Variants in CSNK1D observed in about 807,000 individuals in gnomAD.
CSNK1D encodes the protein casein kinase I isoform delta.
In CSNK1D, 16 loss-of-function variants were observed where a neutral mutation model predicts 46.6. The ratio of observed to expected loss-of-function variants is 0.34; its 90% CI spans 0.23 to 0.52. CSNK1D has a LOEUF of 0.52. Among genes scored for constraint, CSNK1D ranks in the 20% least tolerant of loss-of-function variants. CSNK1D has a pLI of 0.95. For synonymous variants in CSNK1D, 276 were observed against 228.2 expected (o/e 1.21, Z -1.89); for missense variants, 398 against 578.4 (o/e 0.69, Z 3.20).
Position 82,244,264 on chromosome 17 carries a change from C to T in CSNK1D, c.*517G>A. 1.8e-6 allele frequency: 2 copies of T among 1,100,362 alleles called. No individual in the cohort carries two copies. Among genetic ancestry groups the T allele is most frequent in the Non-Finnish European group, 2.2e-6 (2 of 896,598 alleles). 68.2% of individuals were successfully genotyped at this position (1,100,362 alleles called of 1,614,324 possible). On this transcript the variant is annotated 3_prime_UTR_variant, in exon 9 of 9. Transcript: ENST00000314028. ...GCACCTTCTCCCTGCCCGACTCCAC[C>T]TCATACACTAACTCCAAGCCAGCCT... is the stretch of plus-strand genomic sequence containing the variant.
Position 82,255,581 on chromosome 17 carries a change from G to C in CSNK1D, c.188-4C>G. On this transcript the variant is annotated splice_polypyrimidine_tract_variant and splice_region_variant and intron_variant, in intron 2 of 8. Coordinates refer to ENST00000314028, the MANE Select transcript of CSNK1D (RefSeq NM_001893.6). The surrounding 1 kb of genome is among the most constrained non-coding windows in gnomAD (Gnocchi z 5.9). ...CATCTGATGGTGGGGATGCCCACTA[G>C]GCAAGGAAATCAGACACAGTGTTTC... 6.2e-7 allele frequency: 1 copy of C among 1,614,158 alleles called. No homozygotes were observed. Among genetic ancestry groups the C allele is most frequent in the South Asian group, 1.1e-5 (1 of 91,092 alleles).
In CSNK1D at chr17:82,251,222, C is replaced by T; in HGVS notation, c.885+157G>A. The T allele has an allele frequency of 2.4e-6, 2 of 819,528 alleles. No homozygotes were observed. Among genetic ancestry groups the T allele is most frequent in the Non-Finnish European group, 4.0e-6 (2 of 505,584 alleles). 50.8% of individuals were successfully genotyped at this position (819,528 alleles called of 1,614,324 possible). A position where few individuals can be genotyped will look rare whatever the true frequency, so the allele number is the denominator to read the frequency against. Reference sequence around the variant, plus strand: ...GCACCCCTTTCTGGCAGGCAGACACCCACTCAGTCCAGGTCCTGCCCACTA... The same window carrying T: ...GCACCCCTTTCTGGCAGGCAGACACTCACTCAGTCCAGGTCCTGCCCACTA... On this transcript the variant is annotated intron_variant, in intron 6 of 8. Transcript: ENST00000314028. This position sits in a 1 kb window ranked among gnomAD's most constrained non-coding sequence, Gnocchi z 4.5.
At chr17:82,266,693 GGA>G (rs1385002522) in intron 1 of CSNK1D, 1 of 152,626 alleles carries the variant, frequency 6.6e-6, no homozygotes, top group African/African-American at 2.4e-5. Context: ...TAACCGAACA[GGA>G]GAGAAAAAGA....
chr17:82,252,933 CGA>C lies in CSNK1D; in HGVS notation c.565+81_565+82del, dbSNP rs2147174568. The C allele has an allele frequency of 1.5e-6, 2 of 1,293,244 alleles. No individual in the cohort carries two copies. The highest frequency in any genetic ancestry group is 2.2e-6 in the Non-Finnish European group (2 of 902,722). 80.1% of individuals were successfully genotyped at this position (1,293,244 alleles called of 1,614,324 possible). A position where few individuals can be genotyped will look rare whatever the true frequency, so the allele number is the denominator to read the frequency against. ...TGACACGCTTGCAGCCCCAGCTCCC[CGA>C]GAGGCTGGCCTCTCCCTGGGCTGAG... On this transcript the variant is annotated intron_variant, in intron 4 of 8. Coordinates refer to ENST00000314028, the MANE Select transcript of CSNK1D (RefSeq NM_001893.6). This position sits in a 1 kb window ranked among gnomAD's most constrained non-coding sequence, Gnocchi z 4.6.
intron 2 of CSNK1D, among the ~76,000 whole-genome samples, chr17:82,258,728 T>C (rs1313465956): frequency 6.6e-6 from 1 of 152,196 alleles, no homozygotes; most frequent in Non-Finnish European, 1.5e-5. Flanking sequence ...ATTCACCTTC[T>C]TTCTTTCTGC....
intron 8 of CSNK1D, chr17:82,247,798 C>A (rs2050888854): frequency 5.1e-6 from 5 of 985,344 alleles, no homozygotes; most frequent in Non-Finnish European, 6.0e-6. Flanking sequence ...TCAAAATAAC[C>A]ACGAAGCCAA....
chr17:82,247,086 G>A (rs2050869796), intron 8 of CSNK1D: 1 of 985,488 alleles, frequency 1.0e-6, no homozygotes, highest in Non-Finnish European at 1.2e-6. Flanking sequence ...TGCCTCTCAG[G>A]AAGGCCCCCC....
In CSNK1D at chr17:82,251,309, C is replaced by T. The variant is rs1482411953; in HGVS notation, c.885+70G>A. 1.5e-5 allele frequency: 23 copies of T among 1,585,096 alleles called. No individual in the cohort carries two copies. The highest frequency in any genetic ancestry group is 1.8e-4 in the Middle Eastern group (1 of 5,536). ...TGGTACAGCCCCTCAACAAGACGGCCGCCGGCCTCTCACTGACAAGCCATC... is the reference window on the plus strand; with the variant it reads ...TGGTACAGCCCCTCAACAAGACGGCTGCCGGCCTCTCACTGACAAGCCATC... On this transcript the variant is annotated intron_variant, in intron 6 of 8. Transcript: ENST00000314028. This position sits in a 1 kb window ranked among gnomAD's most constrained non-coding sequence, Gnocchi z 4.5.
intron 2 of CSNK1D, among the ~76,000 whole-genome samples, chr17:82,260,560 G>A (rs1293566233): frequency 1.3e-5 from 2 of 151,602 alleles, no homozygotes; most frequent in African/African-American, 4.9e-5. Context: ...GACTGATGGT[G>A]TACTGAGTGA....
chr17:82,246,861 A>C (rs962359295), intron 8 of CSNK1D: 25 of 985,920 alleles, frequency 2.5e-5, no homozygotes, highest in Non-Finnish European at 2.9e-5. Flanking sequence ...GCCCACGGTG[A>C]CTGTGTCTCC....
At chr17:82,257,879 A>G (rs954913376) in intron 2 of CSNK1D, among the ~76,000 whole-genome samples, 3 of 152,242 alleles carry the variant, frequency 2.0e-5, no homozygotes, top group African/African-American at 4.8e-5. Flanking sequence ...AGGGAAAGCC[A>G]TGAAACGTTA....
rs199554561 is a variant in CSNK1D at position 82,252,550 on chromosome 17, T to C, written c.620A>G (p.Asn207Ser). Residue 207 changes from asparagine (N) to serine (S), a missense_variant, in exon 5 of 9, where the codon AAC becomes AGC. Physicochemically the swap from Asn to Ser is conservative, Grantham distance 46 (BLOSUM62 1). This residue lies in a region of CSNK1D where 217 missense variants were observed against 370.3 expected (regional missense o/e 0.59). Coordinates refer to ENST00000314028, the MANE Select transcript of CSNK1D (RefSeq NM_001893.6). The surrounding 1 kb of genome is among the most constrained non-coding windows in gnomAD (Gnocchi z 4.6). ...ESLGYVLMYF[N>S]LGSLPWQGLK... is the part of the protein sequence containing the mutation. ...CCCCTGCCAGGGGAGAGAGCCCAGG[T>C]TGAAGTACATTAGCACGTAGCCCAG... is the stretch of plus-strand genomic sequence containing the variant. 21 of 1,613,870 alleles carry C rather than the reference T, an allele frequency of 1.3e-5. No individual in the cohort carries two copies. The highest frequency in any genetic ancestry group is 1.5e-5 in the Non-Finnish European group (18 of 1,180,004).
rs1008008634 is a variant in CSNK1D, at chr17:82,255,265, C to G, written c.336+164G>C. ...CCAGTGAGCGGAGCCACCGGAGCCT[C>G]GAGAAGCCAGTGAGCTGAGCCACTG... On this transcript the variant is annotated intron_variant, in intron 3 of 8. Coordinates refer to ENST00000314028, the MANE Select transcript of CSNK1D (RefSeq NM_001893.6). The surrounding 1 kb of genome is among the most constrained non-coding windows in gnomAD (Gnocchi z 5.9). 39 of 848,900 alleles carry G rather than the reference C, an allele frequency of 4.6e-5. No homozygotes were observed. The highest frequency in any genetic ancestry group is 7.0e-5 in the Non-Finnish European group (36 of 517,850). The allele number at this position is 848,900 out of a possible 1,614,324, so 52.6% of individuals were successfully genotyped here.
Position 82,250,129 on chromosome 17 carries a change from T to C in CSNK1D, c.886-527A>G. 7.7e-7 allele frequency: 1 copy of C among 1,290,526 alleles called. No homozygotes were observed. Among genetic ancestry groups the C allele is most frequent in the Non-Finnish European group, 1.0e-6 (1 of 989,400 alleles). 79.9% of individuals were successfully genotyped at this position (1,290,526 alleles called of 1,614,324 possible). ...GCCGGCAGCCGGATCTGTGCTGCAC[T>C]ATCCAGATGCACGGGGGTGGGGAGG... is the stretch of plus-strand genomic sequence containing the variant. On this transcript the variant is annotated intron_variant, in intron 6 of 8. Transcript: ENST00000314028. The surrounding 1 kb of genome is among the most constrained non-coding windows in gnomAD (Gnocchi z 4.6).
chr17:82,248,470 T>C lies in CSNK1D; in HGVS notation c.1197+405A>G, dbSNP rs2050907097. 6 of 1,082,526 alleles carry C rather than the reference T, an allele frequency of 5.5e-6. No homozygotes were observed. The highest frequency in any genetic ancestry group is 6.8e-6 in the Non-Finnish European group (6 of 886,064). The allele number at this position is 1,082,526 out of a possible 1,614,324, so 67.1% of individuals were successfully genotyped here. A position where few individuals can be genotyped will look rare whatever the true frequency, so the allele number is the denominator to read the frequency against. On this transcript the variant is annotated intron_variant, in intron 8 of 8. Coordinates refer to ENST00000314028, the MANE Select transcript of CSNK1D (RefSeq NM_001893.6). The surrounding 1 kb of genome is among the most constrained non-coding windows in gnomAD (Gnocchi z 4.1). ...GGAGGTCCCTACGGGCCTCCATCCC[T>C]GGCCAGTGGCAAGAATGAGGAAGAA...
rs2050780880 is a variant in CSNK1D at position 82,243,656 on chromosome 17, T to C, written c.*1125A>G. Reference sequence around the variant, plus strand: ...TCCTTGGCACCTCAGGGTGGGTCCTTCTGGCCTGCCGGCTTTTCTGAGCTA... The same window carrying C: ...TCCTTGGCACCTCAGGGTGGGTCCTCCTGGCCTGCCGGCTTTTCTGAGCTA... On this transcript the variant is annotated 3_prime_UTR_variant, in exon 9 of 9. Coordinates refer to ENST00000314028, the MANE Select transcript of CSNK1D (RefSeq NM_001893.6). 2.0e-6 allele frequency: 2 copies of C among 985,374 alleles called. No homozygotes were observed. Among genetic ancestry groups the C allele is most frequent in the Non-Finnish European group, 2.4e-6 (2 of 829,980 alleles). 61.0% of individuals were successfully genotyped at this position (985,374 alleles called of 1,614,324 possible). A position where few individuals can be genotyped will look rare whatever the true frequency, so the allele number is the denominator to read the frequency against.
chr17:82,256,177 T>C (rs534815248), intron 2 of CSNK1D, among the ~76,000 whole-genome samples: 2 of 152,304 alleles, frequency 1.3e-5, no homozygotes, highest in East Asian at 3.9e-4. Context: ...AATTTAAAGA[T>C]GGCTGCATAG....
rs2147185744 is a variant in CSNK1D, at chr17:82,255,673, T to C, written c.188-96A>G. The C allele has an allele frequency of 6.7e-7, 1 of 1,482,508 alleles. No homozygotes were observed. Among genetic ancestry groups the C allele is most frequent in the Non-Finnish European group, 9.4e-7 (1 of 1,064,788 alleles). The allele number at this position is 1,482,508 out of a possible 1,614,324, so 91.8% of individuals were successfully genotyped here. A position where few individuals can be genotyped will look rare whatever the true frequency, so the allele number is the denominator to read the frequency against. Reference sequence around the variant, plus strand: ...GCACACCAAGGGGTCATGGTGACAATCCTGAACGGGGGAGGGGTGGTGGAG... The same window carrying C: ...GCACACCAAGGGGTCATGGTGACAACCCTGAACGGGGGAGGGGTGGTGGAG... On this transcript the variant is annotated intron_variant, in intron 2 of 8. Coordinates refer to ENST00000314028, the MANE Select transcript of CSNK1D (RefSeq NM_001893.6). The surrounding 1 kb of genome is among the most constrained non-coding windows in gnomAD (Gnocchi z 5.9).
rs145278284 is a variant in CSNK1D, at chr17:82,263,141, T to C, written c.187+2545A>G. Among the ~76,000 whole-genome samples, 599 of 152,232 alleles carry C rather than the reference T, an allele frequency of 3.9e-3. 2 individuals are homozygous for C. The highest frequency in any genetic ancestry group is 0.028 in the South Asian group (136 of 4,830). On this transcript the variant is annotated intron_variant, in intron 2 of 8. Coordinates refer to ENST00000314028, the MANE Select transcript of CSNK1D (RefSeq NM_001893.6). ...GTTGCAGTGGGCCAAGATTGCGCCA[T>C]TGCACTCCATCCTGGGCAACGGAGT...
Sources: allele counts gnomAD v4.1 joint callset (sites outside exome capture counted in the v4.1 genomes callset), GRCh38; gene constraint gnomAD v4.1.1; regional missense constraint gnomAD v4.1.1; non-coding constraint Gnocchi (gnomAD v3.1); transcripts MANE v1.5; gene names NCBI Gene and HGNC (gene_info 2026-07-23, HGNC 2026-07-21).